RBFOX1: variants seen among roughly 807,000 people sequenced by gnomAD.
The protein encoded by RBFOX1 is RNA binding protein fox-1 homolog 1.
RBFOX1 carries 8 observed loss-of-function variants against 57.7 expected under a neutral mutation model. The ratio of observed to expected loss-of-function variants is 0.14; its 90% confidence interval spans 0.08 to 0.25. RBFOX1 has a LOEUF of 0.25. Among genes scored for constraint, RBFOX1 ranks in the 10% least tolerant of loss-of-function variants. The pLI, the probability that RBFOX1 is intolerant of heterozygous loss-of-function variation, is 1.00. For synonymous variants in RBFOX1, 326 were observed against 222.4 expected (o/e 1.47, Z -4.15); for missense variants, 611 against 548.5 (o/e 1.11, Z -1.14).
At chr16:7,138,762 C>A (rs1042820054) in intron 4 of RBFOX1, among the ~76,000 whole-genome samples, 1 of 152,154 alleles carries the variant, frequency 6.6e-6, no homozygotes, top group Non-Finnish European at 1.5e-5. Context: ...TTCACTAAAA[C>A]AAGGAACACA....
At chr16:5,584,897 C>G (rs2046783578) in intron 2 of RBFOX1, among the ~76,000 whole-genome samples, 1 of 152,052 alleles carries the variant, frequency 6.6e-6, no homozygotes, top group Non-Finnish European at 1.5e-5. Flanking sequence ...GTGTAGAAAT[C>G]TGTGGTTTTA....
At chr16:7,493,800 T>C (rs534556311) in intron 4 of RBFOX1, among the ~76,000 whole-genome samples, 21 of 152,324 alleles carry the variant, frequency 1.4e-4, no homozygotes, top group African/African-American at 4.8e-4. Flanking sequence ...TATGTTTGCA[T>C]TGTGTGAAGC....
At chr16:6,975,084 A>G (rs2086519006) in intron 3 of RBFOX1, among the ~76,000 whole-genome samples, 1 of 152,108 alleles carries the variant, frequency 6.6e-6, no homozygotes, top group African/African-American at 2.4e-5. Context: ...AGAGGACGGG[A>G]AAACCTCAAC....
intron 4 of RBFOX1, among the ~76,000 whole-genome samples, chr16:5,994,942 C>G (rs974282638): frequency 3.3e-5 from 5 of 152,212 alleles, no homozygotes; most frequent in African/African-American, 7.2e-5. Context: ...AAAGTGACAT[C>G]CATCGATGCA....
rs867813209 is a variant in RBFOX1, at chr16:7,712,340, C to T, written c.*1595C>T. 6.6e-6 allele frequency: 1 copy of T among 152,630 alleles called. No individual in the cohort carries two copies. The highest frequency in any genetic ancestry group is 6.5e-5 in the Admixed American group (1 of 15,274). 9.5% of individuals were successfully genotyped at this position (152,630 alleles called of 1,614,324 possible). ...TTCAGTAAGTTATCAACTCTCACCG[C>T]TGTGAACCTGCCAATCCGCTGTAAC... is the stretch of plus-strand genomic sequence containing the variant. On this transcript the variant is annotated 3_prime_UTR_variant, in exon 16 of 16. Coordinates refer to ENST00000550418, the MANE Select transcript of RBFOX1 (RefSeq NM_018723.4).
chr16:6,863,975 C>T (rs1220095972), intron 3 of RBFOX1, among the ~76,000 whole-genome samples: 2 of 144,402 alleles, frequency 1.4e-5, no homozygotes, highest in African/African-American at 5.2e-5. Context: ...ACAACTTCTT[C>T]TGTCTTTATG....
At chr16:5,521,797 C>G (rs2044030120) in intron 2 of RBFOX1, among the ~76,000 whole-genome samples, 1 of 152,224 alleles carries the variant, frequency 6.6e-6, no homozygotes, top group African/African-American at 2.4e-5. Context: ...CAATGCTATT[C>G]TTCTCCAACA....
At chr16:6,716,764 A>AT (rs140209705) in intron 3 of RBFOX1, among the ~76,000 whole-genome samples, 26 of 149,700 alleles carry the variant, frequency 1.7e-4, no homozygotes, top group East Asian at 5.9e-4. Flanking sequence ...TTGGGAAGGG[A>AT]TTTTTTTTTT....
chr16:5,264,207 G>A (rs918356465), intron 1 of RBFOX1, among the ~76,000 whole-genome samples: 6 of 152,144 alleles, frequency 3.9e-5, no homozygotes, highest in African/African-American at 9.7e-5. Context: ...GTTAGGTCTC[G>A]GGGCCAGAGA....
At chr16:5,608,405 G>A (rs1004162077) in intron 3 of RBFOX1, among the ~76,000 whole-genome samples, 1 of 152,132 alleles carries the variant, frequency 6.6e-6, no homozygotes, top group Non-Finnish European at 1.5e-5. Context: ...TGATGAAGGG[G>A]CAATATGGCA....
chr16:5,428,282 A>G (rs969357005), intron 1 of RBFOX1, among the ~76,000 whole-genome samples: 6 of 152,200 alleles, frequency 3.9e-5, no homozygotes, highest in African/African-American at 1.4e-4. Context: ...TTGCTATAAA[A>G]TGATTCATGA....
chr16:5,344,852 C>G (rs920520682), intron 1 of RBFOX1, among the ~76,000 whole-genome samples: 8 of 152,248 alleles, frequency 5.3e-5, no homozygotes, highest in Non-Finnish European at 1.5e-5. Flanking sequence ...CAGGTCTCAT[C>G]ATGGATGATC....
At chr16:5,973,375 G>A (rs1455103750) in intron 4 of RBFOX1, among the ~76,000 whole-genome samples, 1 of 152,136 alleles carries the variant, frequency 6.6e-6, no homozygotes, top group Non-Finnish European at 1.5e-5. Flanking sequence ...CTATTTTTCT[G>A]ACATTGTTTC....
At chr16:6,489,169 C>G (rs928648356) in intron 2 of RBFOX1, among the ~76,000 whole-genome samples, 9 of 151,966 alleles carry the variant, frequency 5.9e-5, no homozygotes, top group Non-Finnish European at 1.0e-4. Flanking sequence ...AATTTCTTTC[C>G]TTGGTACTCT....
At chr16:7,572,384 C>T (rs1183626131) in intron 5 of RBFOX1, among the ~76,000 whole-genome samples, 1 of 152,166 alleles carries the variant, frequency 6.6e-6, no homozygotes, top group African/African-American at 2.4e-5. Flanking sequence ...CCACGGACTC[C>T]AGGTCAGCAG....
At chr16:6,895,127 C>T (rs888252453) in intron 3 of RBFOX1, among the ~76,000 whole-genome samples, 2 of 151,962 alleles carry the variant, frequency 1.3e-5, no homozygotes, top group African/African-American at 4.8e-5. Flanking sequence ...CATAGAAGTT[C>T]AGTTCAGAGA....
chr16:5,858,229 GTT>G (rs1394231383), intron 3 of RBFOX1, among the ~76,000 whole-genome samples: 1 of 152,102 alleles, frequency 6.6e-6, no homozygotes, highest in Non-Finnish European at 1.5e-5. Context: ...AAGACAGCAG[GTT>G]ACAATGGGAA....
chr16:5,841,038 A>G (rs2056608477), intron 3 of RBFOX1, among the ~76,000 whole-genome samples: 2 of 152,224 alleles, frequency 1.3e-5, no homozygotes. Context: ...ATAACGTCTC[A>G]GGCAGGTTAG....
chr16:5,817,245 TAATTA>T (rs2055676881), intron 3 of RBFOX1, among the ~76,000 whole-genome samples: 1 of 152,156 alleles, frequency 6.6e-6, no homozygotes, highest in Non-Finnish European at 1.5e-5. Flanking sequence ...TCTATTACGG[TAATTA>T]AACACAGGTG....
Sources: allele counts gnomAD v4.1 joint callset (sites outside exome capture counted in the v4.1 genomes callset), GRCh38; gene constraint gnomAD v4.1.1; transcripts MANE v1.5; gene names NCBI Gene and HGNC (gene_info 2026-07-23, HGNC 2026-07-21).